ADK: variants seen among roughly 807,000 people sequenced by gnomAD.
The protein encoded by ADK is adenosine kinase, also known as N6,N6-dimethyladenosine kinase.
In ADK, 24 loss-of-function variants were observed where a neutral mutation model predicts 44.7. The observed-to-expected ratio is 0.54, with a 90% CI of 0.39 to 0.76. The LOEUF (loss-of-function observed/expected upper bound fraction) is 0.76. Among genes scored for constraint, ADK ranks in the 30% least tolerant of loss-of-function variants. The pLI is 0.00. For synonymous variants in ADK, 128 were observed against 142.6 expected (o/e 0.90, Z 0.73); for missense variants, 321 against 425.1 (o/e 0.76, Z 2.15).
intron 3 of ADK, among the ~76,000 whole-genome samples, chr10:74,273,839 A>C (rs180893203): frequency 4.6e-5 from 7 of 152,278 alleles, no homozygotes; most frequent in African/African-American, 1.7e-4. Flanking sequence ...TTTTCAGAGA[A>C]TCCAGCTTGC....
At chr10:74,289,027 A>G (rs1185392844) in intron 3 of ADK, among the ~76,000 whole-genome samples, 1 of 152,216 alleles carries the variant, frequency 6.6e-6, no homozygotes, top group Non-Finnish European at 1.5e-5. Context: ...AGAATGAAGC[A>G]GCTCACACAC....
intron 2 of ADK, among the ~76,000 whole-genome samples, chr10:74,220,368 G>A (rs1386169674): frequency 2.6e-5 from 4 of 152,216 alleles, no homozygotes; most frequent in Middle Eastern, 3.4e-3. Context: ...TGAAATTGTG[G>A]CAATAATCAA....
intron 3 of ADK, among the ~76,000 whole-genome samples, chr10:74,273,749 C>T (rs1030735911): frequency 2.0e-5 from 3 of 152,164 alleles, no homozygotes; most frequent in Middle Eastern, 3.2e-3. Context: ...TGAGCCACTG[C>T]GCCCGGCCTC....
chr10:74,608,400 C>T (rs1589293535), intron 9 of ADK, among the ~76,000 whole-genome samples: 1 of 152,030 alleles, frequency 6.6e-6, no homozygotes, highest in Non-Finnish European at 1.5e-5. Context: ...TGCTGGTGAC[C>T]TTCGGATGGG....
chr10:74,350,018 A>T (rs1841912513), intron 4 of ADK, among the ~76,000 whole-genome samples: 1 of 152,188 alleles, frequency 6.6e-6, no homozygotes, highest in African/African-American at 2.4e-5. Flanking sequence ...AAAATTAACA[A>T]GGTTATTCAG....
chr10:74,245,996 C>T (rs1051096798), intron 3 of ADK, among the ~76,000 whole-genome samples: 10 of 152,024 alleles, frequency 6.6e-5, no homozygotes, highest in African/African-American at 2.4e-4. Flanking sequence ...TGCATTCTGT[C>T]ATGATGAGGA....
chr10:74,218,972 A>G (rs925196299), intron 2 of ADK, among the ~76,000 whole-genome samples: 7 of 152,102 alleles, frequency 4.6e-5, no homozygotes, highest in African/African-American at 1.7e-4. Context: ...AACGAGCAAA[A>G]TAACCAGCTA....
At chr10:74,277,809 A>G (rs545577982) in intron 3 of ADK, among the ~76,000 whole-genome samples, 1 of 152,278 alleles carries the variant, frequency 6.6e-6, no homozygotes, top group Non-Finnish European at 1.5e-5. Context: ...GTCAGAGAAT[A>G]AGTTCCATGT....
chr10:74,541,348 T>C lies in ADK; in HGVS notation c.726+15922T>C, dbSNP rs372386403. Among the ~76,000 whole-genome samples the C allele has an allele frequency of 9.2e-5, 14 of 152,302 alleles. No individual in the cohort carries two copies. In the East Asian group the frequency reaches 1.9e-3, roughly 21 times the overall value. ...ATTTTTTTAGTTTTGGTAATTTTAATATGGCTATATAGAATGTTTACATTT... is the reference window on the plus strand; with the variant it reads ...ATTTTTTTAGTTTTGGTAATTTTAACATGGCTATATAGAATGTTTACATTT... On this transcript the variant is annotated intron_variant, in intron 7 of 10. Transcript: ENST00000539909.
chr10:74,434,499 T>C (rs1845115751), intron 6 of ADK, among the ~76,000 whole-genome samples: 1 of 152,200 alleles, frequency 6.6e-6, no homozygotes, highest in Non-Finnish European at 1.5e-5. Flanking sequence ...TTCTATTAAA[T>C]AGAATGAATA....
At chr10:74,541,790 A>ACC (rs1452468608) in intron 7 of ADK, among the ~76,000 whole-genome samples, 440 of 24,046 alleles carry the variant, frequency 0.018, no homozygotes, top group Non-Finnish European at 0.024. Flanking sequence ...GAGAACCCCC[A>ACC]CACACCCCCC....
Position 74,189,437 on chromosome 10 carries a change from G to A in ADK, c.66-11327G>A, listed in dbSNP as rs368335617. Among the ~76,000 whole-genome samples, 6 of 152,262 alleles carry A rather than the reference G, an allele frequency of 3.9e-5. No individual in the cohort carries two copies. The East Asian group carries it at 1.2e-3, about 29-fold the overall frequency. ...TGGTCTGTTTTGGTGAATGTTACCTGTGTCTCTAATTCCGCTCTGCAATAT... is the reference window on the plus strand; with the variant it reads ...TGGTCTGTTTTGGTGAATGTTACCTATGTCTCTAATTCCGCTCTGCAATAT... On this transcript the variant is annotated intron_variant, in intron 1 of 10. Coordinates refer to ENST00000539909, the MANE Select transcript of ADK (RefSeq NM_006721.4).
At chr10:74,326,222 G>T (rs1244562734) in intron 4 of ADK, among the ~76,000 whole-genome samples, 2 of 152,124 alleles carry the variant, frequency 1.3e-5, no homozygotes, top group Non-Finnish European at 2.9e-5. Context: ...TCAGGGTAAT[G>T]CTGATTTTGT....
chr10:74,247,208 ATTTTTTTTTTTTTAAGTTTTTTT>A, intron 3 of ADK, among the ~76,000 whole-genome samples: 2 of 59,322 alleles, frequency 3.4e-5, no homozygotes, highest in South Asian at 5.6e-4. Context: ...GCTTTTTTTG[ATTTTTTTTTTTTTAAGTTTTTTT>A]TTTTTTTTTT....
intron 7 of ADK, among the ~76,000 whole-genome samples, chr10:74,571,156 T>G (rs1850940262): frequency 1.3e-5 from 2 of 152,236 alleles, no homozygotes; most frequent in South Asian, 4.1e-4. Context: ...TCATGGTGGA[T>G]AAGCTTTTTG....
intron 9 of ADK, among the ~76,000 whole-genome samples, chr10:74,657,262 G>A (rs1391471383): frequency 2.6e-5 from 4 of 152,012 alleles, no homozygotes; most frequent in Non-Finnish European, 5.9e-5. Flanking sequence ...TTTAAATGAT[G>A]GAATGATGGA....
At chr10:74,636,257 A>G (rs1211748328) in intron 9 of ADK, among the ~76,000 whole-genome samples, 7 of 152,242 alleles carry the variant, frequency 4.6e-5, no homozygotes, top group Non-Finnish European at 2.9e-5. Context: ...TTAATAGGTG[A>G]TAAAGTAAAA....
intron 7 of ADK, among the ~76,000 whole-genome samples, chr10:74,588,768 T>C (rs1851614905): frequency 6.6e-6 from 1 of 152,208 alleles, no homozygotes; most frequent in African/African-American, 2.4e-5. Context: ...TGAGATACTT[T>C]GATTCCATGG....
intron 3 of ADK, among the ~76,000 whole-genome samples, chr10:74,251,361 A>G (rs1591933885): frequency 6.6e-6 from 1 of 152,172 alleles, no homozygotes; most frequent in East Asian, 1.9e-4. Context: ...GTTATTTATC[A>G]TATATTGGAG....
Sources: gnomAD v4.1 joint callset for allele counts (sites outside exome capture counted in the v4.1 genomes callset) on GRCh38, gnomAD v4.1.1 for gene constraint, MANE v1.5 for transcripts, NCBI Gene and HGNC (gene_info 2026-07-23, HGNC 2026-07-21) for gene names.